The following LRP1 variants were observed in gnomAD, a reference collection of about 807,000 sequenced individuals.
LRP1 encodes the protein LDL receptor related protein 1.
Under a neutral mutation model 541.5 loss-of-function variants are expected in LRP1, and 51 were observed. The ratio of observed to expected loss-of-function variants is 0.09; its 90% CI spans 0.08 to 0.12. LRP1 has a LOEUF of 0.12. LRP1 is among the 10% of genes least tolerant of loss of function. The pLI is 1.00. For missense variants in LRP1, 3,878 were observed against 6,376.2 expected, an observed-to-expected ratio of 0.61 and a Z score of 13.34; for synonymous variants, 2,219 against 2,470.8, an observed-to-expected ratio of 0.90 and a Z score of 3.02.
intron 6 of LRP1, among the ~76,000 whole-genome samples, chr12:57,147,147 A>G (rs1252578564): frequency 1.3e-5 from 2 of 151,792 alleles, no homozygotes; most frequent in South Asian, 4.2e-4. Flanking sequence ...CCAGGAGGCT[A>G]GAAGAGTCCA....
chr12:57,211,201 C>T lies in LRP1; in HGVS notation c.12942C>T (p.Asn4314=). 6.2e-7 allele frequency: 1 copy of T among 1,614,252 alleles called. No homozygotes were observed. The highest frequency in any genetic ancestry group is 8.5e-7 in the Non-Finnish European group (1 of 1,180,042). The part of the protein sequence containing the change: ...QYRQCSGYCE[N]FGTCQMAADG... ...GGCAGTGCTCTGGCTACTGTGAGAACTTTGGCACATGCCAGATGGCTGCTG... is the reference window on the plus strand; with the variant it reads ...GGCAGTGCTCTGGCTACTGTGAGAATTTTGGCACATGCCAGATGGCTGCTG... Residue 4314 remains asparagine (N), a synonymous_variant, in exon 84 of 89, where the codon AAC becomes AAT. Coordinates refer to ENST00000243077, the MANE Select transcript of LRP1 (RefSeq NM_002332.3). The surrounding 1 kb of genome is among the most constrained non-coding windows in gnomAD (Gnocchi z 4.3).
In LRP1 at chr12:57,194,613, C is replaced by T. The variant is rs1592650411; in HGVS notation, c.8105C>T (p.Ala2702Val). 4 of 1,611,870 alleles carry T rather than the reference C, an allele frequency of 2.5e-6. No homozygotes were observed. The East Asian group carries it at 6.7e-5, about 27-fold the overall frequency. The part of the protein sequence containing the change: ...KRPRCPLNYF[A>V]CPSGRCIPMS... ...CCCAGATGCCCTCTGAATTACTTCG[C>T]CTGCCCTAGTGGGCGCTGCATCCCC... Residue 2702 changes from alanine (A) to valine (V), a missense_variant, in exon 50 of 89, where the codon GCC (alanine) becomes GTC (valine). Around this residue, in one of 13 missense-constraint regions of LRP1, gnomAD observed 1,100 missense variants for 1,827.4 expected, o/e 0.60. Transcript: ENST00000243077.
At chr12:57,146,989 G>A (rs2035422628) in intron 6 of LRP1, among the ~76,000 whole-genome samples, 1 of 151,962 alleles carries the variant, frequency 6.6e-6, no homozygotes, top group African/African-American at 2.4e-5. Context: ...GCTATGGGGT[G>A]TCCTGGAGGT....
Position 57,173,242 on chromosome 12 carries a change from T to A in LRP1, c.3238T>A (p.Trp1080Arg). ...GGATGGACTATGCATCCCCCTGCGGTGGCGCTGCGATGGGGACACTGACTG... is the reference window on the plus strand; with the variant it reads ...GGATGGACTATGCATCCCCCTGCGGAGGCGCTGCGATGGGGACACTGACTG... ...RLDGLCIPLR[W>R]RCDGDTDCMD... Residue 1080 changes from tryptophan to arginine, a missense_variant, in exon 21 of 89, where the codon TGG becomes AGG. Physicochemically the swap from Trp to Arg is moderately radical, Grantham distance 101. Coordinates refer to ENST00000243077, the MANE Select transcript of LRP1 (RefSeq NM_002332.3). The surrounding 1 kb of genome is among the most constrained non-coding windows in gnomAD (Gnocchi z 4.7). The A allele has an allele frequency of 6.2e-7, 1 of 1,613,920 alleles. No individual in the cohort carries two copies. Among genetic ancestry groups the A allele is most frequent in the East Asian group, 2.2e-5 (1 of 44,868 alleles).
intron 12 of LRP1, 131 bp downstream of exon 12, chr12:57,160,136 C>T (rs2035697800): frequency 1.2e-6 from 1 of 845,768 alleles, no homozygotes; most frequent in African/African-American, 1.7e-5. Flanking sequence ...TGAGAGTCTG[C>T]AAGGGGAGAA....
chr12:57,181,351 C>T, intron 34 of LRP1, 60 bp downstream of exon 34: 4 of 1,549,456 alleles, frequency 2.6e-6, no homozygotes, highest in Non-Finnish European at 3.5e-6. Flanking sequence ...CCCCTCCTAC[C>T]CTACAGCCCC....
Position 57,203,217 on chromosome 12 carries a change from C to T in LRP1, c.10748C>T (p.Ala3583Val). Residue 3583 changes from alanine to valine, a missense_variant, in exon 69 of 89, where the codon GCC (alanine) becomes GTC (valine). By Grantham distance (64) the Ala-to-Val change is moderately conservative (BLOSUM62 0). This residue lies in a region of LRP1 where 278 missense variants were observed against 536.3 expected (regional missense o/e 0.52). Coordinates refer to ENST00000243077, the MANE Select transcript of LRP1 (RefSeq NM_002332.3). ...TGCTCCGAGAGTGAGTTCTCCTGTG[C>T]CAACGGCCGCTGCATCGCGGGGCGC... ...RPCSESEFSC[A>V]NGRCIAGRWK... is the part of the protein sequence containing the mutation. 2 of 1,609,494 alleles carry T rather than the reference C, an allele frequency of 1.2e-6. No individual in the cohort carries two copies. The highest frequency in any genetic ancestry group is 1.1e-5 in the South Asian group (1 of 90,382).
intron 55 of LRP1, 23 bp downstream of exon 55, chr12:57,196,300 G>C: frequency 6.5e-7 from 1 of 1,542,260 alleles, no homozygotes; most frequent in Non-Finnish European, 8.8e-7. Flanking sequence ...CTGGGGAGGA[G>C]CTTCCACACC....
intron 24 of LRP1, 136 bp from the exon 25 acceptor site, chr12:57,176,904 TC>T (rs1250808593): frequency 1.5e-6 from 1 of 685,408 alleles, no homozygotes; most frequent in Non-Finnish European, 2.5e-6. Context: ...GGAGTCCTAC[TC>T]TTGAATATGG....
rs140075075 is a variant in LRP1 at position 57,185,814 on chromosome 12, G to A, written c.6747G>A (p.Pro2249=). 8.1e-5 allele frequency: 131 copies of A among 1,614,136 alleles called. No individual in the cohort carries two copies. In the African/African-American group the frequency reaches 1.4e-3, roughly 17 times the overall value. The part of the protein sequence containing the change: ...LAFDYRAGTS[P]GTPNRIFFSD... Reference sequence around the variant, plus strand: ...TTGACTACCGGGCAGGCACCTCTCCGGGCACCCCCAATCGCATCTTCTTCA... The same window carrying A: ...TTGACTACCGGGCAGGCACCTCTCCAGGCACCCCCAATCGCATCTTCTTCA... Residue 2249 remains proline (P), a synonymous_variant, in exon 41 of 89, where the codon CCG becomes CCA. Coordinates refer to ENST00000243077, the MANE Select transcript of LRP1 (RefSeq NM_002332.3). This position sits in a 1 kb window ranked among gnomAD's most constrained non-coding sequence, Gnocchi z 4.9.
rs541735845 is a variant in LRP1 at position 57,173,881 on chromosome 12, C to A, written c.3448C>A (p.His1150Asn). 4 of 1,614,252 alleles carry A rather than the reference C, an allele frequency of 2.5e-6. No homozygotes were observed. The African/African-American group carries it at 5.3e-5, about 22-fold the overall frequency. The change falls in exon 22 of 89, where the codon CAC (histidine) becomes AAC (asparagine). Residue 1150 changes from histidine to asparagine, a missense_variant. Physicochemically the swap from His to Asn is moderately conservative, Grantham distance 68. Coordinates refer to ENST00000243077, the MANE Select transcript of LRP1 (RefSeq NM_002332.3). The surrounding 1 kb of genome is among the most constrained non-coding windows in gnomAD (Gnocchi z 4.7). Reference sequence around the variant, plus strand: ...GTCCCTGGCCTGCAGGCCACCCTCGCACCCTTGTGCCAACAACACCTCAGT... The same window carrying A: ...GTCCCTGGCCTGCAGGCCACCCTCGAACCCTTGTGCCAACAACACCTCAGT... Reference protein sequence around the residue: ...CESLACRPPSHPCANNTSVCL... With the variant: ...CESLACRPPSNPCANNTSVCL...
chr12:57,186,531 C>T (rs535697543), intron 41 of LRP1, among the ~76,000 whole-genome samples: 1 of 152,340 alleles, frequency 6.6e-6, no homozygotes, highest in East Asian at 1.9e-4. Flanking sequence ...TGCCAGGCAC[C>T]GAACTAGGTG....
At chr12:57,147,304 C>T (rs1302089677) in intron 6 of LRP1, 1 of 152,250 alleles carries the variant, frequency 6.6e-6, no homozygotes, top group Admixed American at 6.5e-5. Flanking sequence ...CTCCCACAAA[C>T]TAATTATGGG....
chr12:57,162,685 C>T lies in LRP1; in HGVS notation c.2404+167C>T, dbSNP rs35306126. On this transcript the variant is annotated intron_variant, in intron 14 of 88. Transcript: ENST00000243077. The surrounding 1 kb of genome is among the most constrained non-coding windows in gnomAD (Gnocchi z 5.2). The stretch of plus-strand genomic sequence containing the variant: ...CCCAACACAATCTGATTCTCTGTTC[C>T]CCATTTCCCTTCCTGCCCCATGTCT... 2.8e-3 allele frequency among the ~76,000 whole-genome samples: 433 copies of T among 152,208 alleles called. 3 individuals are homozygous for T. Among genetic ancestry groups the T allele is most frequent in the African/African-American group, 9.9e-3 (412 of 41,550 alleles).
At position 57,175,587 on chromosome 12, in the gene LRP1, C is replaced by G. The variant is rs1197100368; in HGVS notation, c.3675C>G (p.Ser1225Arg). 16 of 1,613,924 alleles carry G rather than the reference C, an allele frequency of 9.9e-6. No homozygotes were observed. Among genetic ancestry groups the G allele is most frequent in the Non-Finnish European group, 1.4e-5 (16 of 1,179,926 alleles). ...ACAACCACACCTGCCAGATCCAGAG[C>G]TACTGTGCCAAGCATCTCAAATGCA... ...GPDNHTCQIQ[S>R]YCAKHLKCSQ... Residue 1225 changes from serine (S) to arginine (R), a missense_variant, in exon 23 of 89, where the codon AGC (serine) becomes AGG (arginine). By Grantham distance (110) the Ser-to-Arg change is moderately radical. Around this residue, in one of 13 missense-constraint regions of LRP1, gnomAD observed 320 missense variants for 547.9 expected, o/e 0.58. Coordinates refer to ENST00000243077, the MANE Select transcript of LRP1 (RefSeq NM_002332.3).
intron 12 of LRP1, among the ~76,000 whole-genome samples, chr12:57,160,431 A>AG (rs1179132027): frequency 1.3e-5 from 2 of 152,126 alleles, no homozygotes; most frequent in Non-Finnish European, 2.9e-5. Context: ...GGAGTTCCTC[A>AG]GCCTGGAACT....
At chr12:57,187,693 TG>T (rs1411670479) in intron 42 of LRP1, among the ~76,000 whole-genome samples, 1 of 152,152 alleles carries the variant, frequency 6.6e-6, no homozygotes, top group Non-Finnish European at 1.5e-5. Context: ...ATCAGGACTG[TG>T]GGGGACGCTC....
At chr12:57,164,498 G>T (rs948013711) in intron 15 of LRP1, 3 of 152,136 alleles carry the variant, frequency 2.0e-5, no homozygotes, top group East Asian at 1.9e-4. Flanking sequence ...CCAGTTTTTT[G>T]ATATAATCAC....
In LRP1 at chr12:57,212,741, C is replaced by A; in HGVS notation, c.*186C>A. The A allele has an allele frequency of 1.6e-6, 1 of 631,700 alleles. No homozygotes were observed. Among genetic ancestry groups the A allele is most frequent in the Non-Finnish European group, 2.6e-6 (1 of 383,044 alleles). 39.1% of individuals were successfully genotyped at this position (631,700 alleles called of 1,614,324 possible). ...CGAGCACAGTATTATTTCTCCATCC[C>A]CTCCCTGCCTGCTCCTTGGCACCCC... On this transcript the variant is annotated 3_prime_UTR_variant, in exon 89 of 89. Coordinates refer to ENST00000243077, the MANE Select transcript of LRP1 (RefSeq NM_002332.3). The surrounding 1 kb of genome is among the most constrained non-coding windows in gnomAD (Gnocchi z 5.0).
Sources: gnomAD v4.1 joint callset for allele counts (sites outside exome capture counted in the v4.1 genomes callset) on GRCh38, gnomAD v4.1.1 for gene constraint, gnomAD v4.1.1 regional missense constraint, Gnocchi (gnomAD v3.1) non-coding constraint, MANE v1.5 for transcripts, NCBI Gene and HGNC (gene_info 2026-07-23, HGNC 2026-07-21) for gene names.